NOX4: variants seen among roughly 807,000 people sequenced by gnomAD.
NOX4 encodes NADPH oxidase 4, also known as kidney oxidase-1.
In NOX4, 69 loss-of-function variants were observed where a neutral mutation model predicts 87.6. The observed-to-expected ratio is 0.79, with a 90% CI of 0.65 to 0.96. The LOEUF is 0.96. Among genes scored for constraint, NOX4 ranks in the 40% least tolerant of loss-of-function variants. NOX4 has a pLI of 0.00. For synonymous variants in NOX4, 275 were observed against 238.2 expected, an observed-to-expected ratio of 1.15 and a Z score of -1.42; for missense variants, 680 against 681.5, an observed-to-expected ratio of 1.00 and a Z score of 0.02.
intron 8 of NOX4, among the ~76,000 whole-genome samples, chr11:89,404,253 A>G (rs1322212901): frequency 6.6e-6 from 1 of 151,904 alleles, no homozygotes; most frequent in African/African-American, 2.4e-5. Context: ...TTTTGCTCCT[A>G]TTGGCCATCG....
intron 8 of NOX4, among the ~76,000 whole-genome samples, chr11:89,405,537 G>T (rs1366489380): frequency 6.6e-6 from 1 of 151,302 alleles, no homozygotes; most frequent in African/African-American, 2.4e-5. Context: ...AGAATAGAGA[G>T]CTCAGATTAC....
rs1447903967 is a variant in NOX4, at chr11:89,479,936, T to C, written c.153+10522A>G. Among the ~76,000 whole-genome samples the C allele has an allele frequency of 2.0e-5, 3 of 152,120 alleles. No individual in the cohort carries two copies. In the East Asian group the frequency reaches 5.8e-4, roughly 29 times the overall value. The stretch of plus-strand genomic sequence containing the variant: ...GTCATCCCTTGGCATATGTGGGGGA[T>C]TGGTTCCAGGATCCCCACATATAAC... On this transcript the variant is annotated intron_variant, in intron 2 of 17. Coordinates refer to ENST00000263317, the MANE Select transcript of NOX4 (RefSeq NM_016931.5).
At chr11:89,470,917 G>T (rs1272963530) in intron 2 of NOX4, among the ~76,000 whole-genome samples, 1 of 152,070 alleles carries the variant, frequency 6.6e-6, no homozygotes, top group Non-Finnish European at 1.5e-5. Flanking sequence ...TCAGACTGCT[G>T]CTATCCCTTC....
intron 13 of NOX4, among the ~76,000 whole-genome samples, chr11:89,352,872 C>T (rs1252886628): frequency 7.9e-5 from 12 of 152,072 alleles, no homozygotes; most frequent in African/African-American, 1.7e-4. Flanking sequence ...CAGGCTGGAG[C>T]GCAGTGGCAC....
At chr11:89,458,614 C>T (rs1945312582) in intron 2 of NOX4, among the ~76,000 whole-genome samples, 1 of 152,034 alleles carries the variant, frequency 6.6e-6, no homozygotes, top group African/African-American at 2.4e-5. Context: ...AAGCAAAAAA[C>T]AAACAATCTC....
At chr11:89,413,592 C>T (rs1236545217) in intron 8 of NOX4, among the ~76,000 whole-genome samples, 3 of 152,124 alleles carry the variant, frequency 2.0e-5, no homozygotes, top group East Asian at 1.9e-4. Flanking sequence ...AAATTTCACA[C>T]GTTCTCACTT....
the NOX4 span, among the ~76,000 whole-genome samples, chr11:89,527,122 G>A: frequency 6.6e-6 from 1 of 152,118 alleles, no homozygotes. Context: ...TTGCCCCTAC[G>A]CTAGAAATAT....
intron 11 of NOX4, among the ~76,000 whole-genome samples, chr11:89,381,285 T>C (rs1323777706): frequency 6.6e-6 from 1 of 152,162 alleles, no homozygotes; most frequent in Non-Finnish European, 1.5e-5. Context: ...AGAATACAGA[T>C]GTCAGGAAAG....
chr11:89,405,065 T>C (rs1006062970), intron 8 of NOX4, among the ~76,000 whole-genome samples: 2 of 145,816 alleles, frequency 1.4e-5, no homozygotes, highest in Non-Finnish European at 3.0e-5. Flanking sequence ...GGGTTCAAAA[T>C]AAACAAAAGT....
the NOX4 span, among the ~76,000 whole-genome samples, chr11:89,570,090 T>C: frequency 2.2e-3 from 336 of 151,818 alleles, no homozygotes; most frequent in Middle Eastern, 6.8e-3. Flanking sequence ...ATAGCAAAGA[T>C]GTGGAATCAA....
chr11:89,537,277 A>G, the NOX4 span, among the ~76,000 whole-genome samples: 1 of 152,148 alleles, frequency 6.6e-6, no homozygotes, highest in Non-Finnish European at 1.5e-5. Context: ...TGACCTACTG[A>G]GTATATTATT....
At position 89,324,998 on chromosome 11, in the gene NOX4, G is replaced by A. The variant is rs557162818; in HGVS notation, c.*1758C>T. 6.6e-6 allele frequency: 1 copy of A among 150,594 alleles called. No homozygotes were observed. Among genetic ancestry groups the A allele is most frequent in the South Asian group, 2.1e-4 (1 of 4,716 alleles). The allele number at this position is 150,594 out of a possible 1,614,324, so 9.3% of individuals were successfully genotyped here. ...TAGCATCTATCATGTTATGTTTTAT[G>A]TAACATTTTAACAATGGCAAGGTAA... On this transcript the variant is annotated 3_prime_UTR_variant, in exon 18 of 18. Coordinates refer to ENST00000263317, the MANE Select transcript of NOX4 (RefSeq NM_016931.5).
chr11:89,425,384 G>T (rs542383619), intron 7 of NOX4, among the ~76,000 whole-genome samples: 1 of 149,694 alleles, frequency 6.7e-6, no homozygotes, highest in Non-Finnish European at 1.5e-5. Flanking sequence ...TATGGATGGG[G>T]GTGTTTGTTT....
chr11:89,385,022 T>A (rs192359523), intron 11 of NOX4, among the ~76,000 whole-genome samples: 15 of 152,242 alleles, frequency 9.9e-5, no homozygotes, highest in Middle Eastern at 3.4e-3. Context: ...TGCTATAGTA[T>A]CTTCCACATC....
chr11:89,457,304 CA>C (rs1945250353), intron 2 of NOX4, among the ~76,000 whole-genome samples: 1 of 152,202 alleles, frequency 6.6e-6, no homozygotes, highest in African/African-American at 2.4e-5. Flanking sequence ...ACCAACAGCA[CA>C]AATGTGTACA....
At chr11:89,449,546 T>C (rs774821305) in intron 3 of NOX4, 22 bp from the exon 4 acceptor site, 1 of 1,574,310 alleles carries the variant, frequency 6.4e-7, no homozygotes, top group African/African-American at 1.3e-5. Flanking sequence ...TCATTTAATA[T>C]GGTAAAAATA....
chr11:89,467,201 A>T (rs1945732906), intron 2 of NOX4, among the ~76,000 whole-genome samples: 1 of 151,832 alleles, frequency 6.6e-6, no homozygotes, highest in Admixed American at 6.6e-5. Context: ...ATACAAAAAA[A>T]TTAGCTGGGC....
the NOX4 span, among the ~76,000 whole-genome samples, chr11:89,505,493 T>C: frequency 5.3e-5 from 8 of 151,802 alleles, no homozygotes; most frequent in East Asian, 3.9e-4. Flanking sequence ...GGACCTGATA[T>C]GTAAGCTGAG....
intron 4 of NOX4, among the ~76,000 whole-genome samples, chr11:89,445,805 G>A (rs1393925385): frequency 6.6e-6 from 1 of 152,068 alleles, no homozygotes; most frequent in Non-Finnish European, 1.5e-5. Flanking sequence ...GCTTGGGTTT[G>A]GTGTTGGCTT....
Sources: allele counts gnomAD v4.1 joint callset (sites outside exome capture counted in the v4.1 genomes callset), GRCh38; gene constraint gnomAD v4.1.1; transcripts MANE v1.5; gene names NCBI Gene and HGNC (gene_info 2026-07-23, HGNC 2026-07-21).